ASPRV1: variants seen among roughly 807,000 people sequenced by gnomAD.
ASPRV1 encodes retroviral-like aspartic protease 1.
In ASPRV1, 7 loss-of-function variants were observed where a neutral mutation model predicts 11.0. The ratio of observed to expected loss-of-function variants is 0.64; its 90% confidence interval spans 0.36 to 1.20. The LOEUF is 1.20. Among genes scored for constraint, ASPRV1 ranks in the 50% most tolerant of loss-of-function variants. ASPRV1 has a pLI of 0.02. For synonymous variants in ASPRV1, 136 were observed against 138.4 expected (o/e 0.98, Z 0.12); for missense variants, 299 against 320.0 (o/e 0.93, Z 0.50).
the ASPRV1 span, chr2:69,942,123 A>G: frequency 6.6e-6 from 1 of 152,136 alleles, no homozygotes; most frequent in Non-Finnish European, 1.5e-5. Flanking sequence ...GGCTAAACGC[A>G]ATTTCTTGCA....
chr2:69,980,086 G>A, the ASPRV1 span, among the ~76,000 whole-genome samples: 1 of 152,244 alleles, frequency 6.6e-6, no homozygotes, highest in Non-Finnish European at 1.5e-5. Context: ...CTCCGAGGGA[G>A]AAACCAAGTC....
At chr2:69,977,516 C>A in the ASPRV1 span, among the ~76,000 whole-genome samples, 1 of 152,148 alleles carries the variant, frequency 6.6e-6, no homozygotes, top group Non-Finnish European at 1.5e-5. Flanking sequence ...CCGGTATCTG[C>A]GTGACCTTGG....
chr2:70,076,395 G>A, the ASPRV1 span, among the ~76,000 whole-genome samples: 3 of 152,130 alleles, frequency 2.0e-5, no homozygotes, highest in African/African-American at 7.2e-5. Flanking sequence ...TCTTTTAAAT[G>A]AGAATAACAA....
chr2:69,993,180 A>G, the ASPRV1 span, among the ~76,000 whole-genome samples: 10 of 152,284 alleles, frequency 6.6e-5, no homozygotes, highest in Admixed American at 5.2e-4. Flanking sequence ...CAGGCCACGT[A>G]GCGAAGAGGG....
chr2:69,976,913 C>T, the ASPRV1 span, among the ~76,000 whole-genome samples: 1 of 152,100 alleles, frequency 6.6e-6, no homozygotes. Context: ...AAAAATGGGA[C>T]AGGCAAGGTG....
At chr2:70,037,825 T>C in the ASPRV1 span, among the ~76,000 whole-genome samples, 16 of 152,250 alleles carry the variant, frequency 1.1e-4, no homozygotes, top group East Asian at 1.9e-4. Flanking sequence ...AGTACATTTA[T>C]TACTTTAGTT....
At chr2:70,067,307 C>T in the ASPRV1 span, among the ~76,000 whole-genome samples, 1 of 152,124 alleles carries the variant, frequency 6.6e-6, no homozygotes, top group Non-Finnish European at 1.5e-5. Context: ...TATGATTGGG[C>T]ACTGGAGAAG....
chr2:69,984,610 CTTTTTTTT>C, the ASPRV1 span, among the ~76,000 whole-genome samples: 5 of 65,340 alleles, frequency 7.7e-5, no homozygotes, highest in Admixed American at 2.8e-4. Context: ...TCAGGTCCAG[CTTTTTTTT>C]TTTTTTTTTT....
upstream of ASPRV1, chr2:69,961,750 A>ATG: frequency 6.7e-7 from 1 of 1,495,068 alleles, no homozygotes; most frequent in Non-Finnish European, 9.0e-7. Context: ...ATCCGGCCGG[A>ATG]CTAGCAGGAT....
chr2:69,966,559 T>C (rs1678347464), upstream of ASPRV1, among the ~76,000 whole-genome samples: 1 of 152,214 alleles, frequency 6.6e-6, no homozygotes, highest in Non-Finnish European at 1.5e-5. Context: ...GGACATTAAG[T>C]CACTTTTGAC....
the ASPRV1 span, chr2:70,017,907 A>C: frequency 6.6e-6 from 1 of 152,176 alleles, no homozygotes; most frequent in Non-Finnish European, 1.5e-5. Flanking sequence ...TGGGAGGCCA[A>C]GGTGGGAGGA....
At chr2:70,083,284 T>C in the ASPRV1 span, among the ~76,000 whole-genome samples, 1,991 of 152,282 alleles carry the variant, frequency 0.013, 22 homozygotes, top group African/African-American at 0.045. Flanking sequence ...CTGTGTAACG[T>C]TGGGCAAGTC....
At chr2:69,962,092 C>T, upstream of ASPRV1, 1 of 188,846 alleles carries the variant, frequency 5.3e-6, no homozygotes, top group Non-Finnish European at 1.2e-5. Context: ...GTGTCTCACA[C>T]ACATTCTAAA....
the ASPRV1 span, among the ~76,000 whole-genome samples, chr2:70,075,617 C>A: frequency 6.6e-6 from 1 of 152,096 alleles, no homozygotes; most frequent in Non-Finnish European, 1.5e-5. Context: ...GAGGCTGAGG[C>A]AGGCAGATCA....
chr2:69,983,729 T>C, the ASPRV1 span, among the ~76,000 whole-genome samples: 1 of 152,204 alleles, frequency 6.6e-6, no homozygotes, highest in Non-Finnish European at 1.5e-5. Context: ...GGGATTCTCA[T>C]GTGCGGTGGT....
At chr2:69,938,068 A>C in the ASPRV1 span, 2 of 1,606,458 alleles carry the variant, frequency 1.2e-6, no homozygotes, top group Non-Finnish European at 8.5e-7. Context: ...CGCTTTCATC[A>C]ATGTCCTTCT....
chr2:70,037,512 T>TC, the ASPRV1 span, among the ~76,000 whole-genome samples: 1 of 152,170 alleles, frequency 6.6e-6, no homozygotes, highest in African/African-American at 2.4e-5. Flanking sequence ...TGTAAAAACC[T>TC]CCCAAAGTGT....
chr2:70,083,061 A>C, the ASPRV1 span, among the ~76,000 whole-genome samples: 2 of 152,184 alleles, frequency 1.3e-5, no homozygotes, highest in Non-Finnish European at 2.9e-5. Context: ...ACATCAGGGA[A>C]AAGAGGGAAG....
the ASPRV1 span, chr2:70,059,520 A>C: frequency 1.4e-3 from 220 of 152,056 alleles, no homozygotes; most frequent in Non-Finnish European, 2.7e-3. Context: ...ATGAAAGACA[A>C]TTTTTCCATG....
Sources: allele counts gnomAD v4.1 joint callset (sites outside exome capture counted in the v4.1 genomes callset), GRCh38; gene constraint gnomAD v4.1.1; transcripts MANE v1.5; gene names NCBI Gene and HGNC (gene_info 2026-07-23, HGNC 2026-07-21).